Variants in SNX3 observed in about 807,000 individuals in gnomAD.
SNX3 encodes the protein sorting nexin-3.
SNX3 carries 5 observed loss-of-function variants against 17.7 expected under a neutral mutation model. The ratio of observed to expected loss-of-function variants is 0.28; its 90% CI spans 0.15 to 0.59. The LOEUF is 0.59. Ranked by LOEUF, SNX3 falls within the 20% of genes least tolerant of loss-of-function variation. The pLI, the probability that SNX3 is intolerant of heterozygous loss-of-function variation, is 0.88. For missense variants in SNX3, 132 were observed against 206.8 expected, an observed-to-expected ratio of 0.64 and a Z score of 2.22; for synonymous variants, 91 against 76.5, an observed-to-expected ratio of 1.19 and a Z score of -0.99.
intron 2 of SNX3, among the ~76,000 whole-genome samples, chr6:108,217,289 C>T (rs763552897): frequency 6.6e-5 from 10 of 151,688 alleles, no homozygotes; most frequent in Non-Finnish European, 1.2e-4. Flanking sequence ...ATGCATTATC[C>T]TCTGTAGAGA....
rs1034159797 is a variant in SNX3 at position 108,259,583 on chromosome 6, T to C, written c.162+1177A>G. On this transcript the variant is annotated intron_variant, in intron 1 of 3. Transcript: ENST00000230085. ...AGAAGACAACAGTGGCTTGAAACAT[T>C]AAACTATTCGTTTCATATCTTAAAG... Among the ~76,000 whole-genome samples the C allele has an allele frequency of 4.1e-4, 62 of 152,328 alleles. No homozygotes were observed. In the Middle Eastern group the frequency reaches 0.01, roughly 25 times the overall value.
At chr6:108,249,251 AAATT>A (rs1181405612) in intron 1 of SNX3, among the ~76,000 whole-genome samples, 1 of 151,996 alleles carries the variant, frequency 6.6e-6, no homozygotes, top group African/African-American at 2.4e-5. Flanking sequence ...ACTGTATGAG[AAATT>A]AATTAATTAT....
chr6:108,229,259 CAAAAA>C (rs778617695), intron 1 of SNX3, among the ~76,000 whole-genome samples: 1 of 68,772 alleles, frequency 1.5e-5, no homozygotes, highest in Non-Finnish European at 3.3e-5. Context: ...GACTCCACCT[CAAAAA>C]AAAAAAAAAA....
At chr6:108,260,506 G>T (rs1348794745) in intron 1 of SNX3, among the ~76,000 whole-genome samples, 16 of 152,206 alleles carry the variant, frequency 1.1e-4, no homozygotes, top group Admixed American at 1.0e-3. Flanking sequence ...GCTGCTGGAG[G>T]GGCAAGCGGC....
intron 1 of SNX3, among the ~76,000 whole-genome samples, chr6:108,256,264 T>C (rs184096685): frequency 2.0e-3 from 309 of 152,306 alleles, no homozygotes; most frequent in African/African-American, 7.1e-3. Flanking sequence ...GGTTACTTGG[T>C]TAAGTACCAA....
intron 2 of SNX3, among the ~76,000 whole-genome samples, chr6:108,218,154 G>C (rs368001053): frequency 6.6e-6 from 1 of 152,166 alleles, no homozygotes; most frequent in South Asian, 2.1e-4. Context: ...ATCTGATAGG[G>C]AACTCTAAGA....
In SNX3 at chr6:108,222,431, C is replaced by T. The variant is rs900105349; in HGVS notation, c.258+519G>A. 2.4e-5 allele frequency: 25 copies of T among 1,040,774 alleles called. 1 individual carries two copies. The highest frequency in any genetic ancestry group is 1.8e-4 in the East Asian group (3 of 16,706). 64.5% of individuals were successfully genotyped at this position (1,040,774 alleles called of 1,614,324 possible). On this transcript the variant is annotated intron_variant, in intron 2 of 3. Coordinates refer to ENST00000230085, the MANE Select transcript of SNX3 (RefSeq NM_003795.6). ...GCATGTAACAGTGTTTTTAAATTGC[C>T]GGCAGCAACCCATTAGTGGATCATG...
At chr6:108,241,009 G>A (rs1468857069) in intron 1 of SNX3, among the ~76,000 whole-genome samples, 1 of 151,822 alleles carries the variant, frequency 6.6e-6, no homozygotes, top group African/African-American at 2.4e-5. Context: ...GGGCATAGGG[G>A]TACATGCCTG....
intron 1 of SNX3, among the ~76,000 whole-genome samples, chr6:108,255,353 G>C (rs890335241): frequency 9.9e-5 from 15 of 151,408 alleles, no homozygotes; most frequent in Admixed American, 8.5e-4. Flanking sequence ...TTTTTTCTTT[G>C]CTTTGCTTTT....
Position 108,218,049 on chromosome 6 carries a change from T to C in SNX3, c.259-3427A>G, listed in dbSNP as rs930748743. On this transcript the variant is annotated intron_variant, in intron 2 of 3. Transcript: ENST00000230085. Reference sequence around the variant, plus strand: ...GGATTTAACTCTCAATATATTTAACTGGTCTAATGTTAAATGTGAAGTATT... The same window carrying C: ...GGATTTAACTCTCAATATATTTAACCGGTCTAATGTTAAATGTGAAGTATT... Among the ~76,000 whole-genome samples the C allele has an allele frequency of 3.3e-5, 5 of 152,332 alleles. No individual in the cohort carries two copies. In the South Asian group the frequency reaches 1.0e-3, roughly 32 times the overall value.
intron 2 of SNX3, among the ~76,000 whole-genome samples, chr6:108,215,308 C>A (rs1774534715): frequency 1.3e-5 from 2 of 151,366 alleles, no homozygotes; most frequent in African/African-American, 4.9e-5. Context: ...GGAGATCACG[C>A]CACTGCACTC....
intron 1 of SNX3, among the ~76,000 whole-genome samples, chr6:108,245,606 C>T (rs1050860525): frequency 6.6e-6 from 1 of 152,166 alleles, no homozygotes; most frequent in African/African-American, 2.4e-5. Context: ...TCCACATTCT[C>T]GCCAGCATCT....
At chr6:108,212,320 T>C in intron 3 of SNX3, 66 bp from the exon 4 acceptor site, 1 of 1,112,546 alleles carries the variant, frequency 9.0e-7, no homozygotes, top group Non-Finnish European at 1.3e-6. Flanking sequence ...AAAACACATA[T>C]TTTAAAGTTG....
intron 1 of SNX3, among the ~76,000 whole-genome samples, chr6:108,244,647 G>GTTTTTTTTTTTTTTTTT (rs1021781550): frequency 5.7e-5 from 5 of 87,232 alleles, no homozygotes; most frequent in East Asian, 3.4e-4. Flanking sequence ...TAAGTAAGGA[G>GTTTTTTTTTTTTTTTTT]TTTTTTTTTT....
intron 1 of SNX3, among the ~76,000 whole-genome samples, chr6:108,241,158 A>G (rs1024189750): frequency 1.3e-5 from 2 of 151,094 alleles, no homozygotes; most frequent in Non-Finnish European, 3.0e-5. Flanking sequence ...AAAAAAAAAA[A>G]AAAAAAAAAA....
At chr6:108,250,090 T>G (rs891183442) in intron 1 of SNX3, among the ~76,000 whole-genome samples, 2 of 152,114 alleles carry the variant, frequency 1.3e-5, no homozygotes, top group African/African-American at 4.8e-5. Context: ...TTTGTATTTC[T>G]AGTAGAGACA....
At chr6:108,219,943 T>C (rs1005280046) in intron 2 of SNX3, among the ~76,000 whole-genome samples, 2 of 152,186 alleles carry the variant, frequency 1.3e-5, no homozygotes, top group African/African-American at 4.8e-5. Context: ...GATGTCTTGG[T>C]GATCCTGACT....
chr6:108,239,106 T>C (rs964022994), intron 1 of SNX3, among the ~76,000 whole-genome samples: 8 of 152,132 alleles, frequency 5.3e-5, no homozygotes, highest in African/African-American at 1.7e-4. Flanking sequence ...TTTCGCCACA[T>C]TGGCCAGGCT....
intron 1 of SNX3, among the ~76,000 whole-genome samples, chr6:108,234,938 T>C (rs1562429828): frequency 6.6e-6 from 1 of 152,176 alleles, no homozygotes; most frequent in African/African-American, 2.4e-5. Context: ...ATATTTTCCT[T>C]AGAATAAACC....
Sources: allele counts gnomAD v4.1 joint callset (sites outside exome capture counted in the v4.1 genomes callset), GRCh38; gene constraint gnomAD v4.1.1; transcripts MANE v1.5; gene names NCBI Gene and HGNC (gene_info 2026-07-23, HGNC 2026-07-21).